TOMM40: variants seen among roughly 807,000 people sequenced by gnomAD.
The protein encoded by TOMM40 is translocase of outer mitochondrial membrane 40.
In TOMM40, 9 loss-of-function variants were observed where a neutral mutation model predicts 38.4. The ratio of observed to expected loss-of-function variants is 0.23; its 90% CI spans 0.14 to 0.41. The LOEUF (loss-of-function observed/expected upper bound fraction) is 0.41, where lower values mean the gene tolerates loss of function less well. Among genes scored for constraint, TOMM40 ranks in the 10% least tolerant of loss-of-function variants. The probability of loss-of-function intolerance (pLI) is 1.00; values close to 1 mark genes in which losing one functional copy is unlikely to be tolerated. For missense variants in TOMM40, 299 were observed against 486.5 expected (o/e 0.61, Z 3.63); for synonymous variants, 184 against 210.0 (o/e 0.88, Z 1.07).
intron 8 of TOMM40, 123 bp downstream of exon 8, chr19:44,901,433 C>G: frequency 1.3e-6 from 2 of 1,500,578 alleles, no homozygotes; most frequent in South Asian, 1.3e-5. Flanking sequence ...TCCACATTAC[C>G]AGGGAACACT....
intron 5 of TOMM40, among the ~76,000 whole-genome samples, chr19:44,898,640 C>T (rs1773360890): frequency 6.6e-6 from 1 of 150,398 alleles, no homozygotes; most frequent in African/African-American, 2.4e-5. Context: ...CGGGTTCAAG[C>T]GATTCTCCTG....
chr19:44,902,357 C>T (rs865916745), intron 8 of TOMM40: 1 of 152,196 alleles, frequency 6.6e-6, no homozygotes, highest in South Asian at 2.1e-4. Context: ...TGTATGCCAC[C>T]AGGCCCAGCT....
chr19:44,900,350 G>A (rs1969655946), intron 5 of TOMM40, among the ~76,000 whole-genome samples: 1 of 152,192 alleles, frequency 6.6e-6, no homozygotes, highest in Admixed American at 6.5e-5. Flanking sequence ...GCAGCAGAGT[G>A]GCTCAGAGCC....
chr19:44,891,577 G>A lies in TOMM40; in HGVS notation c.162G>A (p.Ser54=). 2 of 1,451,584 alleles carry A rather than the reference G, an allele frequency of 1.4e-6. No homozygotes were observed. Among genetic ancestry groups the A allele is most frequent in the Non-Finnish European group, 1.8e-6 (2 of 1,103,552 alleles). 89.9% of individuals were successfully genotyped at this position (1,451,584 alleles called of 1,614,324 possible). Residue 54 remains serine, a synonymous_variant, in exon 1 of 9, where the codon TCG becomes TCA. Transcript: ENST00000426677. ...CCGGCACCAGTACGAGTCGAAGTTCGGAACGGACCCCCGGGGCTGCAACCG... is the reference window on the plus strand; with the variant it reads ...CCGGCACCAGTACGAGTCGAAGTTCAGAACGGACCCCCGGGGCTGCAACCG... ...LGAGTSTSRS[S]ERTPGAATAS...
chr19:44,894,500 G>A (rs1969529596), intron 5 of TOMM40, among the ~76,000 whole-genome samples: 1 of 152,028 alleles, frequency 6.6e-6, no homozygotes, highest in South Asian at 2.1e-4. Flanking sequence ...GACCTCAAGG[G>A]ATCCACCCAC....
Position 44,893,957 on chromosome 19 carries a change from A to C in TOMM40, c.538-4A>C. ...GCCGCCCTCACACCCCCTCCTCTCC[A>C]CAGACCCAGCAGTCGAAGTTTGTGA... On this transcript the variant is annotated splice_region_variant and splice_polypyrimidine_tract_variant and intron_variant, in intron 4 of 8. Transcript: ENST00000426677. The C allele has an allele frequency of 6.3e-7, 1 of 1,578,094 alleles. No individual in the cohort carries two copies. Among genetic ancestry groups the C allele is most frequent in the East Asian group, 2.3e-5 (1 of 44,164 alleles).
chr19:44,901,622 C>A (rs1969685408), intron 8 of TOMM40: 1 of 540,082 alleles, frequency 1.9e-6, no homozygotes, highest in Non-Finnish European at 3.1e-6. Flanking sequence ...TGCCTATAGT[C>A]CCAACTACTG....
Position 44,892,313 on chromosome 19 carries a change from G to A in TOMM40, c.275-80G>A, listed in dbSNP as rs1055557476. The A allele has an allele frequency of 6.1e-5, 84 of 1,368,170 alleles. 1 individual carries two copies. In the African/African-American group the frequency reaches 9.2e-4, roughly 15 times the overall value. 84.8% of individuals were successfully genotyped at this position (1,368,170 alleles called of 1,614,324 possible). Reference sequence around the variant, plus strand: ...ATGTTCTGCTGTGGGTCTCTGGAGAGAGCTGGGGGTGGTAGGGAAGGAAGA... The same window carrying A: ...ATGTTCTGCTGTGGGTCTCTGGAGAAAGCTGGGGGTGGTAGGGAAGGAAGA... On this transcript the variant is annotated intron_variant, in intron 1 of 8. Coordinates refer to ENST00000426677, the MANE Select transcript of TOMM40 (RefSeq NM_001128917.2).
chr19:44,892,778 C>A, intron 2 of TOMM40, 59 bp from the exon 3 acceptor site: 1 of 1,415,264 alleles, frequency 7.1e-7, no homozygotes, highest in Non-Finnish European at 1.0e-6. Context: ...TTGTCCTTGC[C>A]CTCTTCAGTG....
At chr19:44,900,036 G>C (rs769079022) in intron 5 of TOMM40, among the ~76,000 whole-genome samples, 1 of 151,932 alleles carries the variant, frequency 6.6e-6, no homozygotes, top group Non-Finnish European at 1.5e-5. Context: ...CCTGTACCCT[G>C]CTAGGCTCGA....
In TOMM40 at chr19:44,891,577, G is replaced by T; in HGVS notation, c.162G>T (p.Ser54=). The T allele has an allele frequency of 6.9e-7, 1 of 1,451,584 alleles. No individual in the cohort carries two copies. 89.9% of individuals were successfully genotyped at this position (1,451,584 alleles called of 1,614,324 possible). The change falls in exon 1 of 9, where the codon TCG becomes TCT. Residue 54 remains serine, a synonymous_variant. Coordinates refer to ENST00000426677, the MANE Select transcript of TOMM40 (RefSeq NM_001128917.2). ...LGAGTSTSRS[S]ERTPGAATAS... ...CCGGCACCAGTACGAGTCGAAGTTC[G>T]GAACGGACCCCCGGGGCTGCAACCG...
rs193300779 is a variant in TOMM40 at position 44,895,853 on chromosome 19, G to T, written c.643+1787G>T. Among the ~76,000 whole-genome samples, 10 of 152,240 alleles carry T rather than the reference G, an allele frequency of 6.6e-5. No individual in the cohort carries two copies. In the East Asian group the frequency reaches 1.9e-3, roughly 29 times the overall value. On this transcript the variant is annotated intron_variant, in intron 5 of 8. Coordinates refer to ENST00000426677, the MANE Select transcript of TOMM40 (RefSeq NM_001128917.2). ...TGAGCCACCGCGCCCGGCCGACCAT[G>T]CAAGCTTTTCTGACGGTTCCTGAAA...
chr19:44,896,438 C>G (rs1278043617), intron 5 of TOMM40, among the ~76,000 whole-genome samples: 2 of 152,202 alleles, frequency 1.3e-5, no homozygotes, highest in African/African-American at 4.8e-5. Context: ...ATGAGAGGGC[C>G]CGACTTCTCG....
rs1969719992 is a variant in TOMM40 at position 44,903,312 on chromosome 19, C to T, written c.*143C>T. ...GGACATTGGAAAGGAGGGACCCCGC[C>T]ACCCCAGCAGCTGAGGAGGGGATTC... On this transcript the variant is annotated 3_prime_UTR_variant, in exon 9 of 9. Transcript: ENST00000426677. The T allele has an allele frequency of 1.2e-6, 1 of 853,092 alleles. No individual in the cohort carries two copies. Among genetic ancestry groups the T allele is most frequent in the Non-Finnish European group, 1.7e-6 (1 of 576,712 alleles). The allele number at this position is 853,092 out of a possible 1,614,324, so 52.8% of individuals were successfully genotyped here.
intron 5 of TOMM40, among the ~76,000 whole-genome samples, chr19:44,896,016 C>G (rs1969558287): frequency 6.6e-6 from 1 of 152,176 alleles, no homozygotes; most frequent in Non-Finnish European, 1.5e-5. Context: ...CCCCATCTTG[C>G]AAGGCCAAGA....
At chr19:44,897,931 GGTGATTCAACAACCA>G (rs1969597925) in intron 5 of TOMM40, among the ~76,000 whole-genome samples, 1 of 151,960 alleles carries the variant, frequency 6.6e-6, no homozygotes, top group Non-Finnish European at 1.5e-5. Context: ...CCCGTGTGAT[GGTGATTCAACAACCA>G]GTGGGGGGTT....
At position 44,892,854 on chromosome 19, in the gene TOMM40, C is replaced by T. The variant is rs11556506; in HGVS notation, c.360C>T (p.Ala120=). The change falls in exon 3 of 9, where the codon GCC becomes GCT. Residue 120 remains alanine, a synonymous_variant. Coordinates refer to ENST00000426677, the MANE Select transcript of TOMM40 (RefSeq NM_001128917.2). ...CCTTCCAGGTCAACCACACAGTAGC[C>T]CTCAGCACAATCGGGGAGTCCAACT... ...SNHFQVNHTV[A]LSTIGESNYH... 5 of 1,613,812 alleles carry T rather than the reference C, an allele frequency of 3.1e-6. No individual in the cohort carries two copies. In the Admixed American group the frequency reaches 5.0e-5, roughly 16 times the overall value.
In TOMM40 at chr19:44,903,392, G is replaced by A; in HGVS notation, c.*223G>A. The A allele has an allele frequency of 2.0e-6, 1 of 494,732 alleles. No homozygotes were observed. The highest frequency in any genetic ancestry group is 3.5e-6 in the Non-Finnish European group (1 of 284,110). The allele number at this position is 494,732 out of a possible 1,614,324, so 30.6% of individuals were successfully genotyped here. ...GTAGCAGGGGCAGCATGCCCAGTGG[G>A]CCTGGGGTCCCGGGAGGGATTCCGG... On this transcript the variant is annotated 3_prime_UTR_variant, in exon 9 of 9. Transcript: ENST00000426677.
intron 5 of TOMM40, among the ~76,000 whole-genome samples, chr19:44,895,017 C>T (rs945224407): frequency 1.3e-5 from 2 of 152,074 alleles, no homozygotes; most frequent in African/African-American, 4.8e-5. Context: ...CGGATGGAGG[C>T]GATGACTCTG....
Sources: gnomAD v4.1 joint callset for allele counts (sites outside exome capture counted in the v4.1 genomes callset) on GRCh38, gnomAD v4.1.1 for gene constraint, MANE v1.5 for transcripts, NCBI Gene and HGNC (gene_info 2026-07-23, HGNC 2026-07-21) for gene names.